TBC1D1: variants seen among roughly 807,000 people sequenced by gnomAD.
The protein encoded by TBC1D1 is TBC1 domain family member 1.
Under a neutral mutation model 125.6 loss-of-function variants are expected in TBC1D1, and 89 were observed. The ratio of observed to expected loss-of-function variants is 0.71; its 90% CI spans 0.60 to 0.85. The LOEUF (loss-of-function observed/expected upper bound fraction) is 0.85. Ranked by LOEUF, TBC1D1 falls within the 40% of genes least tolerant of loss-of-function variation. TBC1D1 has a pLI of 0.00. For synonymous variants in TBC1D1, 565 were observed against 564.1 expected, an observed-to-expected ratio of 1.00 and a Z score of -0.02; for missense variants, 1,377 against 1,469.2, an observed-to-expected ratio of 0.94 and a Z score of 1.03.
intron 2 of TBC1D1, among the ~76,000 whole-genome samples, chr4:37,914,204 A>G (rs1560470425): frequency 1.3e-5 from 2 of 152,126 alleles, no homozygotes; most frequent in Non-Finnish European, 2.9e-5. Flanking sequence ...TTGTTAATCT[A>G]TTACTTCAGA....
chr4:38,071,713 C>A (rs1487464001), intron 12 of TBC1D1, among the ~76,000 whole-genome samples: 1 of 152,208 alleles, frequency 6.6e-6, no homozygotes. Context: ...TGTAGGTTCT[C>A]AGATGGCAGG....
intron 15 of TBC1D1, among the ~76,000 whole-genome samples, chr4:38,113,402 G>A (rs1048782671): frequency 2.0e-5 from 3 of 152,176 alleles, no homozygotes; most frequent in Non-Finnish European, 4.4e-5. Context: ...CTCTACAAGC[G>A]GTGTCAATTA....
At chr4:37,897,600 T>C (rs967849677) in intron 1 of TBC1D1, among the ~76,000 whole-genome samples, 2 of 152,234 alleles carry the variant, frequency 1.3e-5, no homozygotes, top group Admixed American at 6.5e-5. Flanking sequence ...TTTAAATGAC[T>C]GAATTTTTGG....
rs377374881 is a variant in TBC1D1, at chr4:37,986,346, GCT to G, written c.418-28160_418-28159del. Among the ~76,000 whole-genome samples the G allele has an allele frequency of 3.3e-3, 504 of 152,270 alleles. 2 individuals are homozygous for G. Among genetic ancestry groups the G allele is most frequent in the African/African-American group, 0.012 (481 of 41,558 alleles). ...GTTTTTGAGGTACATTGTTAATATT[GCT>G]CTGCTGATTTGTTTGCACTTTCATC... On this transcript the variant is annotated intron_variant, in intron 2 of 19. Transcript: ENST00000261439.
chr4:37,955,599 T>C (rs1231143476), intron 2 of TBC1D1, among the ~76,000 whole-genome samples: 1 of 152,196 alleles, frequency 6.6e-6, no homozygotes, highest in Non-Finnish European at 1.5e-5. Flanking sequence ...CCATCCTTTG[T>C]TTTTTCCAAA....
At chr4:37,961,839 A>G (rs1730126112) in intron 2 of TBC1D1, among the ~76,000 whole-genome samples, 1 of 152,180 alleles carries the variant, frequency 6.6e-6, no homozygotes, top group African/African-American at 2.4e-5. Flanking sequence ...TCTTCAATCA[A>G]AGGATGCTGT....
chr4:38,118,127 C>A lies in TBC1D1; in HGVS notation c.2897C>A (p.Ala966Asp), dbSNP rs752093106. Residue 966 changes from alanine to aspartate, a missense_variant, in exon 17 of 20, where the codon GCT becomes GAT. Ala to Asp is a moderately radical substitution (Grantham distance 126, BLOSUM62 -2). Around this residue, in one of 3 missense-constraint regions of TBC1D1, gnomAD observed 543 missense variants for 613.5 expected, o/e 0.89. Transcript: ENST00000261439. ...CACGAGATCGGCCCCAGCCTCTACGCTGCCCCCTGGTTCCTCACCATGTTT... is the reference window on the plus strand; with the variant it reads ...CACGAGATCGGCCCCAGCCTCTACGATGCCCCCTGGTTCCTCACCATGTTT... 6.2e-7 allele frequency: 1 copy of A among 1,614,126 alleles called. No homozygotes were observed. Among genetic ancestry groups the A allele is most frequent in the African/African-American group, 1.3e-5 (1 of 74,944 alleles).
At chr4:38,136,814 A>G (rs590376) in intron 19 of TBC1D1, among the ~76,000 whole-genome samples, 150,515 of 152,224 alleles carry the variant, frequency 0.99, 74,436 homozygotes, top group East Asian at 1. Context: ...GGCCCTATCC[A>G]AGCTGTCCCT....
chr4:38,104,758 T>TC (rs1009165425), intron 15 of TBC1D1, among the ~76,000 whole-genome samples: 1 of 151,346 alleles, frequency 6.6e-6, no homozygotes, highest in African/African-American at 2.4e-5. Flanking sequence ...TATTTTTTTT[T>TC]TTAATTTTTT....
intron 2 of TBC1D1, chr4:37,961,029 T>C: frequency 6.2e-7 from 1 of 1,613,524 alleles, no homozygotes; most frequent in Non-Finnish European, 8.5e-7. Context: ...CTGTTTGCTA[T>C]GACATAGATA....
At chr4:38,052,007 GT>G in intron 11 of TBC1D1, 1 of 1,551,066 alleles carries the variant, frequency 6.4e-7, no homozygotes, top group African/African-American at 1.4e-5. Context: ...ACTTTTTTAA[GT>G]ACCTAAAACA....
At chr4:37,946,081 G>A (rs1293401951) in intron 2 of TBC1D1, among the ~76,000 whole-genome samples, 1 of 152,158 alleles carries the variant, frequency 6.6e-6, no homozygotes, top group Non-Finnish European at 1.5e-5. Context: ...GAAGGTACCA[G>A]GAACAGAAGT....
intron 12 of TBC1D1, among the ~76,000 whole-genome samples, chr4:38,057,496 A>G (rs1368848355): frequency 6.6e-6 from 1 of 152,104 alleles, no homozygotes; most frequent in Non-Finnish European, 1.5e-5. Flanking sequence ...GTGATTAGTG[A>G]TTTCTCAACT....
At chr4:37,960,073 C>T (rs1481647358) in intron 2 of TBC1D1, among the ~76,000 whole-genome samples, 2 of 152,136 alleles carry the variant, frequency 1.3e-5, no homozygotes, top group Non-Finnish European at 1.5e-5. Flanking sequence ...AATGCAATAA[C>T]GGCAGAAACT....
chr4:37,974,723 A>G (rs767674592), intron 2 of TBC1D1, among the ~76,000 whole-genome samples: 4 of 151,596 alleles, frequency 2.6e-5, no homozygotes, highest in Non-Finnish European at 5.9e-5. Context: ...ACGCCTGGCT[A>G]ATTTTTTGTA....
chr4:37,997,650 A>T (rs1488705425), intron 2 of TBC1D1, among the ~76,000 whole-genome samples: 1 of 152,232 alleles, frequency 6.6e-6, no homozygotes, highest in Admixed American at 6.5e-5. Context: ...CCAAATACAT[A>T]TTCCTACCAC....
intron 2 of TBC1D1, among the ~76,000 whole-genome samples, chr4:37,965,454 T>G (rs1477715514): frequency 1.3e-5 from 2 of 152,236 alleles, no homozygotes; most frequent in African/African-American, 4.8e-5. Flanking sequence ...TGAAAACATC[T>G]GGCATGCAGT....
chr4:37,926,310 G>A (rs1461861749), intron 2 of TBC1D1, among the ~76,000 whole-genome samples: 1 of 152,104 alleles, frequency 6.6e-6, no homozygotes, highest in Non-Finnish European at 1.5e-5. Context: ...AGGTTGCTGT[G>A]GCTGCTCAAT....
Position 38,115,915 on chromosome 4 carries a change from G to T in TBC1D1, c.2763G>T (p.Gly921=). The T allele has an allele frequency of 6.2e-7, 1 of 1,614,160 alleles. No individual in the cohort carries two copies. The highest frequency in any genetic ancestry group is 8.5e-7 in the Non-Finnish European group (1 of 1,180,020). Reference sequence around the variant, plus strand: ...TCAAGTTTCTGATGTTTGACATGGGGCTGCGGAAACAGTATCGGCCAGACA... The same window carrying T: ...TCAAGTTTCTGATGTTTGACATGGGTCTGCGGAAACAGTATCGGCCAGACA... The change falls in exon 16 of 20, where the codon GGG becomes GGT. Residue 921 remains glycine (G), a synonymous_variant. Coordinates refer to ENST00000261439, the MANE Select transcript of TBC1D1 (RefSeq NM_015173.4).
Sources: allele counts gnomAD v4.1 joint callset (sites outside exome capture counted in the v4.1 genomes callset), GRCh38; gene constraint gnomAD v4.1.1; regional missense constraint gnomAD v4.1.1; transcripts MANE v1.5; gene names NCBI Gene and HGNC (gene_info 2026-07-23, HGNC 2026-07-21).